The following RNF180 variants were observed in gnomAD, a reference collection of about 807,000 sequenced individuals.
RNF180 encodes the protein ring finger protein 180.
RNF180 carries 38 observed loss-of-function variants against 59.2 expected under a neutral mutation model. The observed-to-expected ratio is 0.64, with a 90% CI of 0.50 to 0.84. RNF180 has a LOEUF of 0.84. RNF180 is among the 40% of genes least tolerant of loss of function. The probability of loss-of-function intolerance (pLI) is 0.00; values close to 1 mark genes in which losing one functional copy is unlikely to be tolerated. For synonymous variants in RNF180, 262 were observed against 240.3 expected, an observed-to-expected ratio of 1.09 and a Z score of -0.84; for missense variants, 705 against 700.9, an observed-to-expected ratio of 1.01 and a Z score of -0.07.
At chr5:64,242,893 T>G (rs1742885890) in intron 5 of RNF180, among the ~76,000 whole-genome samples, 2 of 152,158 alleles carry the variant, frequency 1.3e-5, no homozygotes, top group Non-Finnish European at 2.9e-5. Flanking sequence ...GTTACCCAGT[T>G]CATCTCACTG....
At chr5:64,292,884 A>T (rs924561127) in intron 5 of RNF180, among the ~76,000 whole-genome samples, 15 of 152,114 alleles carry the variant, frequency 9.9e-5, no homozygotes, top group Non-Finnish European at 4.4e-5. Flanking sequence ...TTGGGGTCCC[A>T]CTCAAAGAAG....
intron 5 of RNF180, among the ~76,000 whole-genome samples, chr5:64,288,535 T>G (rs1049167789): frequency 6.6e-6 from 1 of 152,172 alleles, no homozygotes; most frequent in African/African-American, 2.4e-5. Flanking sequence ...GAGGATGAAA[T>G]GTTTTTCCTT....
chr5:64,256,475 T>C (rs1743971474), intron 5 of RNF180, among the ~76,000 whole-genome samples: 1 of 152,206 alleles, frequency 6.6e-6, no homozygotes, highest in Non-Finnish European at 1.5e-5. Flanking sequence ...TCCCCATTGC[T>C]TGTTTCTGTC....
chr5:64,358,963 C>G (rs1434912935), intron 7 of RNF180, among the ~76,000 whole-genome samples: 11 of 151,654 alleles, frequency 7.3e-5, no homozygotes, highest in Non-Finnish European at 1.6e-4. Flanking sequence ...AGGACATGAA[C>G]TCATCATTTT....
intron 7 of RNF180, among the ~76,000 whole-genome samples, chr5:64,360,764 T>C (rs1165461391): frequency 1.3e-5 from 2 of 151,698 alleles, no homozygotes; most frequent in African/African-American, 4.8e-5. Flanking sequence ...ACAAGACTTA[T>C]GTGTTAGAGA....
At chr5:64,182,808 A>G (rs1006556831) in intron 1 of RNF180, among the ~76,000 whole-genome samples, 2 of 152,232 alleles carry the variant, frequency 1.3e-5, no homozygotes, top group Non-Finnish European at 2.9e-5. Flanking sequence ...ACCAGTATTC[A>G]TATGGTAAGA....
intron 5 of RNF180, among the ~76,000 whole-genome samples, chr5:64,259,151 A>G (rs1273538286): frequency 6.6e-6 from 1 of 152,160 alleles, no homozygotes; most frequent in East Asian, 1.9e-4. Flanking sequence ...CTTGAGGAAC[A>G]TGCTGTTGGA....
chr5:64,351,083 A>G (rs1205552446), intron 7 of RNF180, among the ~76,000 whole-genome samples: 1 of 151,252 alleles, frequency 6.6e-6, no homozygotes, highest in East Asian at 2.0e-4. Flanking sequence ...CTTTTATTTC[A>G]TTGAGCAGTG....
At chr5:64,249,093 G>A (rs766239683) in intron 5 of RNF180, among the ~76,000 whole-genome samples, 35 of 152,126 alleles carry the variant, frequency 2.3e-4, no homozygotes, top group Non-Finnish European at 4.1e-4. Context: ...ATCACACACC[G>A]GGGCCTGTCA....
chr5:64,299,268 T>C (rs1400853837), intron 5 of RNF180, among the ~76,000 whole-genome samples: 1 of 151,966 alleles, frequency 6.6e-6, no homozygotes, highest in Non-Finnish European at 1.5e-5. Flanking sequence ...CAATTTATGG[T>C]ATTTCTTTAT....
chr5:64,358,861 A>C (rs2112599653), intron 7 of RNF180, among the ~76,000 whole-genome samples: 2 of 145,734 alleles, frequency 1.4e-5, no homozygotes, highest in South Asian at 4.3e-4. Context: ...TTCAGTTCCC[A>C]CCTATGAGTG....
At chr5:64,297,923 G>A (rs1423530355) in intron 5 of RNF180, among the ~76,000 whole-genome samples, 2 of 151,708 alleles carry the variant, frequency 1.3e-5, no homozygotes, top group Admixed American at 1.3e-4. Context: ...TTAAGTTCGG[G>A]GGTACATGTG....
At chr5:64,285,375 G>A (rs1168503310) in intron 5 of RNF180, among the ~76,000 whole-genome samples, 1 of 152,214 alleles carries the variant, frequency 6.6e-6, no homozygotes, top group Non-Finnish European at 1.5e-5. Context: ...CTGGGATCAG[G>A]TTGGCAGCAT....
chr5:64,214,138 T>C lies in RNF180; in HGVS notation c.812T>C (p.Leu271Ser), dbSNP rs767963565. 4 of 1,614,148 alleles carry C rather than the reference T, an allele frequency of 2.5e-6. No individual in the cohort carries two copies. The Admixed American group carries it at 5.0e-5, about 20-fold the overall frequency. Reference sequence around the variant, plus strand: ...CCTATTGACCTTTCAGGCTTGCCTTTACAATCTAGTAAAAATAGCTATTCC... The same window carrying C: ...CCTATTGACCTTTCAGGCTTGCCTTCACAATCTAGTAAAAATAGCTATTCC... ...TQPIDLSGLP[L>S]QSSKNSYSFQ... Residue 271 changes from leucine (L) to serine (S), a missense_variant, in exon 4 of 8, where the codon TTA (leucine) becomes TCA (serine). Physicochemically the swap from Leu to Ser is moderately radical, Grantham distance 145. Coordinates refer to ENST00000389100, the MANE Select transcript of RNF180 (RefSeq NM_001113561.2).
chr5:64,192,903 G>GTGTATATATATATATATATATATATA (rs1486448173), intron 1 of RNF180, among the ~76,000 whole-genome samples: 2 of 93,870 alleles, frequency 2.1e-5, no homozygotes, highest in African/African-American at 8.3e-5. Context: ...AGTGTGGCAT[G>GTGTATATATATATATATATATATATA]TATATATATA....
Position 64,325,378 on chromosome 5 carries a change from C to T in RNF180, c.1420C>T (p.Arg474Trp), listed in dbSNP as rs267600665. The T allele has an allele frequency of 1.9e-6, 3 of 1,551,362 alleles. No homozygotes were observed. The highest frequency in any genetic ancestry group is 1.2e-5 in the South Asian group (1 of 84,032). Residue 474 changes from arginine (R) to tryptophan (W), a missense_variant, in exon 6 of 8, where the codon CGG (arginine) becomes TGG (tryptophan). Arg to Trp is a moderately radical substitution (Grantham distance 101). Transcript: ENST00000389100. ...NPSSTPCPLC[R>W]TIISRVFFQT... is the part of the protein sequence containing the mutation. ...TTCAAGCACTCCATGCCCATTGTGT[C>T]GGACAATTATTTCTAGAGTCTTTTT... is the stretch of plus-strand genomic sequence containing the variant.
At chr5:64,241,046 T>C (rs2112236009) in intron 5 of RNF180, among the ~76,000 whole-genome samples, 1 of 152,330 alleles carries the variant, frequency 6.6e-6, no homozygotes, top group African/African-American at 2.4e-5. Flanking sequence ...TGACATTTTA[T>C]TAAGTATATA....
At chr5:64,210,787 G>T (rs961945444) in intron 2 of RNF180, among the ~76,000 whole-genome samples, 1 of 152,098 alleles carries the variant, frequency 6.6e-6, no homozygotes, top group African/African-American at 2.4e-5. Context: ...TGGTATAGGG[G>T]ATGGCACTGT....
chr5:64,332,826 T>C (rs1236819340), intron 7 of RNF180, among the ~76,000 whole-genome samples: 1 of 152,188 alleles, frequency 6.6e-6, no homozygotes, highest in East Asian at 1.9e-4. Context: ...ACTGTGATCT[T>C]CAGGGAACAG....
Sources: gnomAD v4.1 joint callset for allele counts (sites outside exome capture counted in the v4.1 genomes callset) on GRCh38, gnomAD v4.1.1 for gene constraint, MANE v1.5 for transcripts, NCBI Gene and HGNC (gene_info 2026-07-23, HGNC 2026-07-21) for gene names.